SFPQ: variants seen among roughly 807,000 people sequenced by gnomAD.
SFPQ encodes the protein splicing factor, proline- and glutamine-rich.
A neutral mutation model predicts 72.9 loss-of-function variants in SFPQ; 11 were observed. The observed-to-expected ratio is 0.15, with a 90% CI of 0.09 to 0.25. The LOEUF is 0.25. SFPQ is among the 10% of genes least tolerant of loss of function. The probability of loss-of-function intolerance (pLI) is 1.00; values close to 1 mark genes in which losing one functional copy is unlikely to be tolerated. For synonymous variants in SFPQ, 506 were observed against 367.3 expected, an observed-to-expected ratio of 1.38 and a Z score of -4.32; for missense variants, 847 against 993.3, an observed-to-expected ratio of 0.85 and a Z score of 1.98.
intron 4 of SFPQ, 56 bp downstream of exon 4, chr1:35,190,441 TA>T: frequency 8.0e-7 from 1 of 1,243,916 alleles, no homozygotes; most frequent in Non-Finnish European, 1.2e-6. Flanking sequence ...ATCACTAAAA[TA>T]AATTTAACCT....
chr1:35,190,556 G>A lies in SFPQ; in HGVS notation c.1357C>T (p.Leu453=), dbSNP rs1290796160. 1 of 1,613,910 alleles carries A rather than the reference G, an allele frequency of 6.2e-7. No homozygotes were observed. Among genetic ancestry groups the A allele is most frequent in the Non-Finnish European group, 8.5e-7 (1 of 1,179,882 alleles). ...RPVIVEPLEQ[L]DDEDGLPEKL... is the part of the protein sequence containing the mutation. ...TCAGGAAGACCATCTTCATCATCTA[G>A]TTGTTCAAGTGGTTCCACAATGACT... The change falls in exon 4 of 10, where the codon CTA becomes TTA. Residue 453 remains leucine (L), a synonymous_variant. Coordinates refer to ENST00000357214, the MANE Select transcript of SFPQ (RefSeq NM_005066.3).
downstream of SFPQ, chr1:35,182,713 T>C: frequency 1.0e-6 from 1 of 985,442 alleles, no homozygotes; most frequent in Non-Finnish European, 1.2e-6. Flanking sequence ...GTAAGAATTC[T>C]ACAATGTACA....
chr1:35,192,109 G>C (rs943068151), intron 1 of SFPQ, 113 bp downstream of exon 1: 4 of 901,386 alleles, frequency 4.4e-6, no homozygotes, highest in Admixed American at 4.5e-5. Context: ...AGCGGCGCGC[G>C]CAAGCGCCCC....
intron 6 of SFPQ, among the ~76,000 whole-genome samples, 193 bp from the exon 7 acceptor site, chr1:35,188,283 G>GT (rs1213327217): frequency 9.8e-5 from 15 of 152,310 alleles, no homozygotes; most frequent in Middle Eastern, 3.4e-3. Context: ...ATCTTACACT[G>GT]TATTCGATTT....
downstream of SFPQ, chr1:35,179,862 G>A (rs570465562): frequency 1.1e-5 from 12 of 1,053,496 alleles, no homozygotes; most frequent in South Asian, 9.1e-5. Context: ...ACTGGCCACC[G>A]ATTTAATGGA....
downstream of SFPQ, chr1:35,177,951 A>G (rs1292187167): frequency 2.9e-6 from 3 of 1,025,342 alleles, no homozygotes; most frequent in Non-Finnish European, 3.8e-6. Flanking sequence ...ATCAAACTCA[A>G]AAGCCTGTAG....
Position 35,189,214 on chromosome 1 carries a change from A to G in SFPQ, c.1584T>C (p.His528=). 1 of 1,614,194 alleles carries G rather than the reference A, an allele frequency of 6.2e-7. No individual in the cohort carries two copies. Among genetic ancestry groups the G allele is most frequent in the Admixed American group, 1.7e-5 (1 of 60,028 alleles). Residue 528 remains histidine, a synonymous_variant, in exon 5 of 10, where the codon CAT becomes CAC. Transcript: ENST00000357214. The part of the protein sequence containing the change: ...KLESEMEDAY[H]EHQANLLRQD... ...GGCGCAAAAGATTTGCCTGATGTTC[A>G]TGATAGGCATCTTCCATTTCACTTT...
downstream of SFPQ, chr1:35,181,640 A>C (rs915446529): frequency 1.8e-5 from 19 of 1,060,796 alleles, no homozygotes; most frequent in Non-Finnish European, 2.2e-5. Flanking sequence ...AAAAACAACC[A>C]GTGTTCCTCT....
chr1:35,183,029 T>A lies in SFPQ; in HGVS notation c.*1427A>T. Reference sequence around the variant, plus strand: ...ATTTAGTGCTACATGAAAACGAAACTATGTGAAAACAAGTTAAATTTACAA... The same window carrying A: ...ATTTAGTGCTACATGAAAACGAAACAATGTGAAAACAAGTTAAATTTACAA... On this transcript the variant is annotated 3_prime_UTR_variant, in exon 10 of 10. Transcript: ENST00000357214. The A allele has an allele frequency of 1.9e-6, 2 of 1,035,964 alleles. No homozygotes were observed. Among genetic ancestry groups the A allele is most frequent in the Non-Finnish European group, 2.3e-6 (2 of 860,836 alleles). 64.2% of individuals were successfully genotyped at this position (1,035,964 alleles called of 1,614,324 possible). A position where few individuals can be genotyped will look rare whatever the true frequency, so the allele number is the denominator to read the frequency against.
At chr1:35,182,512 C>T (rs928129432), downstream of SFPQ, 3 of 985,380 alleles carry the variant, frequency 3.0e-6, no homozygotes, top group Non-Finnish European at 3.6e-6. Context: ...TGCTTTTATA[C>T]ACTAGTGTTT....
In SFPQ at chr1:35,188,992, C is replaced by T. The variant is rs761526379; in HGVS notation, c.1697+11G>A. 2 of 1,602,418 alleles carry T rather than the reference C, an allele frequency of 1.2e-6. No individual in the cohort carries two copies. Among genetic ancestry groups the T allele is most frequent in the Non-Finnish European group, 1.7e-6 (2 of 1,171,236 alleles). On this transcript the variant is annotated intron_variant, in intron 6 of 9. Coordinates refer to ENST00000357214, the MANE Select transcript of SFPQ (RefSeq NM_005066.3). ...AATAAATGAAGGCTTAAACCTTAAA[C>T]ACAATTTTACCTCAATTGCATTTCT... is the stretch of plus-strand genomic sequence containing the variant.
chr1:35,181,850 G>C (rs556311305), downstream of SFPQ: 47 of 984,308 alleles, frequency 4.8e-5, no homozygotes, highest in Middle Eastern at 1.6e-3. Flanking sequence ...AAGACTTATT[G>C]AAAGTCTATT....
chr1:35,180,653 C>CTT (rs1639428952), downstream of SFPQ: 3 of 1,053,874 alleles, frequency 2.8e-6, no homozygotes, highest in Non-Finnish European at 3.4e-6. Context: ...AAAACCTGTA[C>CTT]TTTTAGTTCA....
downstream of SFPQ, chr1:35,182,449 T>TC: frequency 1.0e-6 from 1 of 985,308 alleles, no homozygotes; most frequent in Non-Finnish European, 1.2e-6. Context: ...AATGAGATTC[T>TC]CTCCCTTAGC....
chr1:35,182,395 A>G, downstream of SFPQ: 1 of 985,370 alleles, frequency 1.0e-6, no homozygotes, highest in Non-Finnish European at 1.2e-6. Flanking sequence ...AACTACTCAT[A>G]TTTCCGAGTG....
intron 9 of SFPQ, 114 bp downstream of exon 9, chr1:35,186,887 G>C: frequency 2.9e-6 from 3 of 1,021,150 alleles, no homozygotes; most frequent in South Asian, 1.6e-5. Flanking sequence ...ATTGGTAGGG[G>C]AAACTAAAAG....
chr1:35,192,157 C>CGGGGGCGAGGAG, intron 1 of SFPQ, 65 bp downstream of exon 1: 1 of 1,239,390 alleles, frequency 8.1e-7, no homozygotes, highest in East Asian at 3.3e-5. Flanking sequence ...AGCGCGGGGG[C>CGGGGGCGAGGAG]GGGGGCGAGG....
chr1:35,180,266 T>G, downstream of SFPQ: 4 of 1,049,754 alleles, frequency 3.8e-6, no homozygotes, highest in Non-Finnish European at 4.6e-6. Context: ...TGAAGTGAGG[T>G]CTGGAACAAC....
At chr1:35,189,552 A>G (rs747818337) in intron 4 of SFPQ, among the ~76,000 whole-genome samples, 170 bp from the exon 5 acceptor site, 1 of 152,228 alleles carries the variant, frequency 6.6e-6, no homozygotes, top group South Asian at 2.1e-4. Context: ...CAGAACACTC[A>G]GTAAAAGAAT....
Sources: gnomAD v4.1 joint callset for allele counts (sites outside exome capture counted in the v4.1 genomes callset) on GRCh38, gnomAD v4.1.1 for gene constraint, MANE v1.5 for transcripts, NCBI Gene and HGNC (gene_info 2026-07-23, HGNC 2026-07-21) for gene names.